Variants in DLC1 observed in about 807,000 individuals in gnomAD.
DLC1 encodes DLC1 Rho GTPase activating protein, also known as rho GTPase-activating protein 7.
In DLC1, 54 loss-of-function variants were observed where a neutral mutation model predicts 140.3. The ratio of observed to expected loss-of-function variants is 0.38; its 90% CI spans 0.31 to 0.48. The LOEUF is 0.48. Among genes scored for constraint, DLC1 ranks in the 20% least tolerant of loss-of-function variants. The pLI, the probability that DLC1 is intolerant of heterozygous loss-of-function variation, is 0.96. For synonymous variants in DLC1, 986 were observed against 728.1 expected, an observed-to-expected ratio of 1.35 and a Z score of -5.70; for missense variants, 2,536 against 1,907.0, an observed-to-expected ratio of 1.33 and a Z score of -6.14.
At chr8:13,438,620 T>C (rs547867956) in intron 2 of DLC1, among the ~76,000 whole-genome samples, 1 of 152,272 alleles carries the variant, frequency 6.6e-6, no homozygotes, top group Admixed American at 6.5e-5. Context: ...TTCCTTACCC[T>C]GGATTCACAG....
chr8:13,128,624 A>C (rs1010198389), intron 5 of DLC1, among the ~76,000 whole-genome samples: 3 of 152,186 alleles, frequency 2.0e-5, no homozygotes, highest in Non-Finnish European at 4.4e-5. Context: ...CGAGGTCAGG[A>C]GATCCAGACC....
chr8:13,209,658 T>A (rs1827842500), intron 5 of DLC1, among the ~76,000 whole-genome samples: 1 of 152,132 alleles, frequency 6.6e-6, no homozygotes, highest in African/African-American at 2.4e-5. Context: ...AGCACCATCC[T>A]CTTGGTACTG....
At chr8:13,506,417 A>T (rs1161868682) in intron 1 of DLC1, among the ~76,000 whole-genome samples, 1 of 151,446 alleles carries the variant, frequency 6.6e-6, no homozygotes, top group African/African-American at 2.4e-5. Flanking sequence ...TTCTTTTCTT[A>T]CTTCTTCCTT....
intron 5 of DLC1, among the ~76,000 whole-genome samples, chr8:13,120,257 G>T (rs1414206416): frequency 6.7e-6 from 1 of 149,724 alleles, no homozygotes; most frequent in Non-Finnish European, 1.5e-5. Flanking sequence ...GCAGGAGAAT[G>T]GCGTGAACCG....
In DLC1 at chr8:13,099,781, C is replaced by G; in HGVS notation, c.2556G>C (p.Arg852Ser). The stretch of plus-strand genomic sequence containing the variant: ...TGGGGCTGTCGCTACTGTTTTCCCT[C>G]CTGAGGCTGATGTGGCCAGGGCCGT... ...SFHGPGHISL[R>S]RENSSDSPKE... Residue 852 changes from arginine to serine, a missense_variant, in exon 9 of 18, where the codon AGG (arginine) becomes AGC (serine). Coordinates refer to ENST00000276297, the MANE Select transcript of DLC1 (RefSeq NM_182643.3). The G allele has an allele frequency of 2.5e-6, 4 of 1,614,136 alleles. No individual in the cohort carries two copies. Among genetic ancestry groups the G allele is most frequent in the South Asian group, 1.1e-5 (1 of 91,064 alleles).
At chr8:13,315,802 G>T (rs1184728938) in intron 4 of DLC1, among the ~76,000 whole-genome samples, 1 of 152,132 alleles carries the variant, frequency 6.6e-6, no homozygotes, top group Non-Finnish European at 1.5e-5. Flanking sequence ...GGATAATCTT[G>T]ATTTCACAGA....
intron 1 of DLC1, among the ~76,000 whole-genome samples, chr8:13,577,936 C>T (rs1804903142): frequency 6.6e-6 from 1 of 151,714 alleles, no homozygotes; most frequent in Non-Finnish European, 1.5e-5. Context: ...GGATGTGCCA[C>T]AGGAGGTGGG....
intron 5 of DLC1, among the ~76,000 whole-genome samples, chr8:13,121,075 T>A (rs139431276): frequency 6.6e-6 from 1 of 152,108 alleles, no homozygotes; most frequent in Admixed American, 6.5e-5. Flanking sequence ...TCGATGCAAA[T>A]GGTACAGTGA....
At position 13,528,816 on chromosome 8, in the gene DLC1, G is replaced by C. The variant is rs1023239455; in HGVS notation, c.-125-28620C>G. Among the ~76,000 whole-genome samples the C allele has an allele frequency of 3.3e-5, 5 of 152,182 alleles. No homozygotes were observed. The East Asian group carries it at 9.6e-4, about 29-fold the overall frequency. ...ACAACTCCACATGCAAAGTCAGTTT[G>C]AGCAACAGACCCACTGAACTTGGAG... On this transcript the variant is annotated intron_variant, in intron 1 of 1. Coordinates refer to the DLC1 transcript ENST00000631382.
intron 7 of DLC1, 61 bp downstream of exon 7, chr8:13,110,681 G>T: frequency 1.4e-6 from 2 of 1,474,538 alleles, no homozygotes; most frequent in Non-Finnish European, 1.9e-6. Flanking sequence ...GCCTATCTTT[G>T]TGAGAAGTAC....
intron 9 of DLC1, 108 bp downstream of exon 9, chr8:13,099,239 T>A (rs1470565577): frequency 8.1e-6 from 12 of 1,490,302 alleles, no homozygotes; most frequent in Non-Finnish European, 1.1e-5. Context: ...GGAATGGACA[T>A]GGCTAAGAAT....
intron 4 of DLC1, among the ~76,000 whole-genome samples, chr8:13,362,513 C>A (rs993057928): frequency 6.6e-6 from 1 of 151,922 alleles, no homozygotes; most frequent in African/African-American, 2.4e-5. Context: ...ACCTTTCCTG[C>A]CTTCATTAGC....
At chr8:13,444,103 C>T (rs1798669754) in intron 2 of DLC1, among the ~76,000 whole-genome samples, 2 of 122,166 alleles carry the variant, frequency 1.6e-5, no homozygotes, top group Non-Finnish European at 3.6e-5. Context: ...TTTAGAATTC[C>T]TGGTTTGTTT....
chr8:13,217,519 G>A (rs1056510437), intron 5 of DLC1, among the ~76,000 whole-genome samples: 2 of 152,074 alleles, frequency 1.3e-5, no homozygotes, highest in Non-Finnish European at 2.9e-5. Context: ...TGAGGGAAGA[G>A]ACTCTGTCAT....
chr8:13,551,720 A>G (rs957670994), intron 1 of DLC1, among the ~76,000 whole-genome samples: 2 of 151,772 alleles, frequency 1.3e-5, no homozygotes, highest in Admixed American at 1.3e-4. Flanking sequence ...TATCTATCAA[A>G]CATATGTAGT....
chr8:13,336,833 A>G (rs1190132734), intron 4 of DLC1, among the ~76,000 whole-genome samples: 2 of 152,180 alleles, frequency 1.3e-5, no homozygotes, highest in African/African-American at 4.8e-5. Flanking sequence ...TATTATTGCT[A>G]TGTGACATTG....
At chr8:13,124,363 G>A (rs1265511468) in intron 5 of DLC1, among the ~76,000 whole-genome samples, 3 of 152,208 alleles carry the variant, frequency 2.0e-5, no homozygotes, top group South Asian at 2.1e-4. Context: ...GACCCTGAAT[G>A]AAGTAAGAGG....
chr8:13,312,292 C>A (rs1431579378), intron 4 of DLC1, among the ~76,000 whole-genome samples: 1 of 104,964 alleles, frequency 9.5e-6, no homozygotes, highest in African/African-American at 3.7e-5. Context: ...ACCCGGGAGG[C>A]GGAGCTTGCA....
intron 2 of DLC1, among the ~76,000 whole-genome samples, chr8:13,476,501 C>G (rs1800441159): frequency 6.7e-6 from 1 of 149,312 alleles, no homozygotes; most frequent in South Asian, 2.1e-4. Context: ...AATACATAGT[C>G]AACCATGTAA....
Sources: gnomAD v4.1 joint callset for allele counts (sites outside exome capture counted in the v4.1 genomes callset) on GRCh38, gnomAD v4.1.1 for gene constraint, MANE v1.5 for transcripts, NCBI Gene and HGNC (gene_info 2026-07-23, HGNC 2026-07-21) for gene names.